PCDHGA1: variants seen among roughly 807,000 people sequenced by gnomAD.
PCDHGA1 encodes the protein protocadherin gamma subfamily A, 1, also known as protocadherin gamma-A1.
In PCDHGA1, 32 loss-of-function variants were observed where a neutral mutation model predicts 58.0. The observed-to-expected ratio is 0.55, with a 90% CI of 0.42 to 0.74. The LOEUF (loss-of-function observed/expected upper bound fraction) is 0.74, where lower values mean the gene tolerates loss of function less well. PCDHGA1 is among the 30% of genes least tolerant of loss of function. The probability of loss-of-function intolerance (pLI) is 0.00; values close to 1 mark genes in which losing one functional copy is unlikely to be tolerated. For missense variants in PCDHGA1, 1,205 were observed against 1,182.3 expected (o/e 1.02, Z -0.28); for synonymous variants, 498 against 501.1 (o/e 0.99, Z 0.08).
Position 141,423,752 on chromosome 5 carries a change from G to A in PCDHGA1, c.2422-71055G>A, listed in dbSNP as rs749899386. 4.7e-6 allele frequency: 3 copies of A among 644,956 alleles called. 1 individual carries two copies. The highest frequency in any genetic ancestry group is 1.1e-4 in the South Asian group (2 of 17,914). 40.0% of individuals were successfully genotyped at this position (644,956 alleles called of 1,614,324 possible). ...TTGAGCCTGTTATGAAAACTGTTTGGGGGGGGGGTGGGGCGGCATATATTT... is the reference window on the plus strand; with the variant it reads ...TTGAGCCTGTTATGAAAACTGTTTGAGGGGGGGGTGGGGCGGCATATATTT... On this transcript the variant is annotated intron_variant, in intron 1 of 3. Transcript: ENST00000517417.
intron 1 of PCDHGA1, chr5:141,371,062 G>T: frequency 6.2e-7 from 1 of 1,613,974 alleles, no homozygotes; most frequent in Non-Finnish European, 8.5e-7. Context: ...CCCTCCAGAA[G>T]CTGTACCACC....
rs2099884522 is a variant in PCDHGA1, at chr5:141,512,941, T to C, written c.*1768T>C. On this transcript the variant is annotated 3_prime_UTR_variant, in exon 4 of 4. Transcript: ENST00000517417. ...CTAATATTTATATGGCTTTTTTTCT[T>C]CGACAAAAAAATAATAAAACGTTTC... The C allele has an allele frequency of 6.6e-6, 1 of 151,892 alleles. No individual in the cohort carries two copies. The highest frequency in any genetic ancestry group is 6.6e-5 in the Admixed American group (1 of 15,236). The allele number at this position is 151,892 out of a possible 1,614,324, so 9.4% of individuals were successfully genotyped here.
chr5:141,347,820 G>A lies in PCDHGA1; in HGVS notation c.2421+14715G>A, dbSNP rs1321611329. On this transcript the variant is annotated intron_variant, in intron 1 of 3. Transcript: ENST00000517417. ...AAAAAAAGTAGAGGCTGGTCAAATG[G>A]TTTTACCTATAGTGCCTGTTACATA... Among the ~76,000 whole-genome samples, 3 of 151,918 alleles carry A rather than the reference G, an allele frequency of 2.0e-5. No individual in the cohort carries two copies. In the East Asian group the frequency reaches 5.8e-4, roughly 29 times the overall value.
chr5:141,510,451 G>A (rs1330148267), intron 3 of PCDHGA1, among the ~76,000 whole-genome samples: 2 of 152,096 alleles, frequency 1.3e-5, no homozygotes, highest in East Asian at 1.9e-4. Context: ...AGGAGCCCAT[G>A]GTCTAGTGTG....
intron 1 of PCDHGA1, chr5:141,371,218 C>G: frequency 1.2e-6 from 2 of 1,613,994 alleles, no homozygotes; most frequent in Non-Finnish European, 1.7e-6. Flanking sequence ...GGCATCAATG[C>G]CGAAATCATC....
At chr5:141,360,012 C>T (rs1454398218) in intron 1 of PCDHGA1, 8 of 1,240,128 alleles carry the variant, frequency 6.5e-6, no homozygotes, top group Non-Finnish European at 8.6e-6. Flanking sequence ...ACCAACCACA[C>T]AGAGAAGGCC....
At chr5:141,467,906 A>T (rs917983299) in intron 1 of PCDHGA1, among the ~76,000 whole-genome samples, 5 of 152,002 alleles carry the variant, frequency 3.3e-5, no homozygotes, top group African/African-American at 9.7e-5. Flanking sequence ...AAATCCGCCC[A>T]CCTCAGCCTC....
At chr5:141,345,627 G>T (rs1471219094) in intron 1 of PCDHGA1, 2 of 1,614,070 alleles carry the variant, frequency 1.2e-6, no homozygotes, top group African/African-American at 1.3e-5. Flanking sequence ...AAAGCTACTG[G>T]TGACAGCCAG....
chr5:141,382,777 C>G, intron 1 of PCDHGA1: 1 of 822,390 alleles, frequency 1.2e-6, no homozygotes. Flanking sequence ...CTGCACTAAA[C>G]TCAAGCCTCT....
chr5:141,422,453 G>A, intron 1 of PCDHGA1: 3 of 1,611,704 alleles, frequency 1.9e-6, no homozygotes, highest in Non-Finnish European at 2.5e-6. Context: ...ATAACAAGCA[G>A]AGTGCTGGAC....
intron 1 of PCDHGA1, among the ~76,000 whole-genome samples, chr5:141,460,407 TTG>T: frequency 6.6e-6 from 1 of 152,188 alleles, no homozygotes; most frequent in Non-Finnish European, 1.5e-5. Flanking sequence ...TCCTTTTGAG[TTG>T]ATGTTTATGT....
chr5:141,354,396 T>C (rs1759533156), intron 1 of PCDHGA1, among the ~76,000 whole-genome samples: 1 of 152,220 alleles, frequency 6.6e-6, no homozygotes, highest in African/African-American at 2.4e-5. Context: ...TGGCCAAGAA[T>C]CTACTGTACA....
chr5:141,421,487 C>G (rs1447180364), intron 1 of PCDHGA1: 2 of 1,614,094 alleles, frequency 1.2e-6, no homozygotes, highest in Non-Finnish European at 1.7e-6. Context: ...AGCTTGATCA[C>G]GGCAGGCAGG....
rs1269660369 is a variant in PCDHGA1 at position 141,408,454 on chromosome 5, A to T, written c.2421+75349A>T. On this transcript the variant is annotated intron_variant, in intron 1 of 3. Transcript: ENST00000517417. ...GCGTAGACGCGGAGAGCGGGGACTT[A>T]CTTGTGAAGAACCGAATAGACCGTG... The T allele has an allele frequency of 4.3e-6, 7 of 1,613,934 alleles. No homozygotes were observed. The African/African-American group carries it at 9.3e-5, about 22-fold the overall frequency.
intron 1 of PCDHGA1, chr5:141,338,770 T>G: frequency 7.8e-7 from 1 of 1,279,032 alleles, no homozygotes; most frequent in Non-Finnish European, 9.9e-7. Flanking sequence ...AATCCAGCAA[T>G]ACGGCTCCCA....
At chr5:141,410,369 A>G in intron 1 of PCDHGA1, 1 of 1,613,954 alleles carries the variant, frequency 6.2e-7, no homozygotes. Context: ...CAGCCCTGCT[A>G]CTTGGGACTG....
At chr5:141,418,882 C>T (rs945382775) in intron 1 of PCDHGA1, 8 of 1,613,960 alleles carry the variant, frequency 5.0e-6, no homozygotes, top group Admixed American at 1.7e-5. Flanking sequence ...TAGACGAAAA[C>T]GACAACAGCC....
chr5:141,341,549 G>A, intron 1 of PCDHGA1: 2 of 1,411,042 alleles, frequency 1.4e-6, no homozygotes, highest in Non-Finnish European at 1.9e-6. Context: ...GTAGGTCTTA[G>A]TGTTCACAGG....
chr5:141,477,506 G>T lies in PCDHGA1; in HGVS notation c.2422-17301G>T, dbSNP rs766083208. 6.2e-7 allele frequency: 1 copy of T among 1,614,028 alleles called. No homozygotes were observed. The highest frequency in any genetic ancestry group is 8.5e-7 in the Non-Finnish European group (1 of 1,180,016). On this transcript the variant is annotated intron_variant, in intron 1 of 3. Coordinates refer to ENST00000517417, the MANE Select transcript of PCDHGA1 (RefSeq NM_018912.3). This position sits in a 1 kb window ranked among gnomAD's most constrained non-coding sequence, Gnocchi z 4.9. ...ACAATCTTCTCAATCTTCCTACGAC[G>T]TTTACATTGAAGAAAACAACCTCCC...
Sources: gnomAD v4.1 joint callset for allele counts (sites outside exome capture counted in the v4.1 genomes callset) on GRCh38, gnomAD v4.1.1 for gene constraint, Gnocchi (gnomAD v3.1) non-coding constraint, MANE v1.5 for transcripts, NCBI Gene and HGNC (gene_info 2026-07-23, HGNC 2026-07-21) for gene names.